The following TNRC6B variants were observed in gnomAD, a reference collection of about 807,000 sequenced individuals.
The protein encoded by TNRC6B is trinucleotide repeat containing adaptor 6B.
TNRC6B carries 52 observed loss-of-function variants against 203.6 expected under a neutral mutation model. That is an observed-to-expected ratio of 0.26 (90% CI 0.20 to 0.32). TNRC6B has a LOEUF of 0.32. TNRC6B is among the 10% of genes least tolerant of loss of function. TNRC6B has a pLI of 1.00. For missense variants in TNRC6B, 1,923 were observed against 2,286.2 expected (o/e 0.84, Z 3.24); for synonymous variants, 838 against 845.7 (o/e 0.99, Z 0.16).
At chr22:40,208,718 T>A (rs946853319) in intron 1 of TNRC6B, among the ~76,000 whole-genome samples, 3 of 152,220 alleles carry the variant, frequency 2.0e-5, no homozygotes, top group African/African-American at 7.2e-5. Flanking sequence ...ATTTTGTATG[T>A]ATTAAATATG....
In TNRC6B at chr22:40,132,969, A is replaced by AATATATATAT. The variant is rs1166468730; in HGVS notation, c.45+7120_45+7129dup. 3.4e-3 allele frequency among the ~76,000 whole-genome samples: 262 copies of AATATATATAT among 78,126 alleles called. 2 individuals carry two copies. The highest frequency in any genetic ancestry group is 6.6e-3 in the Middle Eastern group (1 of 152). 51.3% of individuals were successfully genotyped at this position (78,126 alleles called of 152,430 possible). The stretch of plus-strand genomic sequence containing the variant: ...AAAAAAAAAAAAAAAAAAAAAAAAA[A>AATATATATAT]ATATATATATATATATATATATTCT... On this transcript the variant is annotated intron_variant, in intron 3 of 23. Coordinates refer to the TNRC6B transcript ENST00000301923.
intron 3 of TNRC6B, among the ~76,000 whole-genome samples, chr22:40,260,025 G>T (rs1196042237): frequency 6.6e-6 from 1 of 152,160 alleles, no homozygotes; most frequent in Non-Finnish European, 1.5e-5. Context: ...TTCTCTGTAT[G>T]TTCGACGGGA....
intron 1 of TNRC6B, among the ~76,000 whole-genome samples, chr22:40,090,970 G>A (rs1322819147): frequency 6.6e-6 from 1 of 152,096 alleles, no homozygotes; most frequent in Non-Finnish European, 1.5e-5. Flanking sequence ...GAGACAATCT[G>A]AATACCAATA....
At chr22:40,188,295 T>A (rs530597715) in intron 1 of TNRC6B, among the ~76,000 whole-genome samples, 8 of 152,164 alleles carry the variant, frequency 5.3e-5, no homozygotes, top group Non-Finnish European at 1.2e-4. Context: ...AAGTGCTGGT[T>A]TTTGGTTACT....
intron 1 of TNRC6B, among the ~76,000 whole-genome samples, chr22:40,056,624 A>G (rs899969920): frequency 9.9e-5 from 15 of 151,902 alleles, no homozygotes; most frequent in Non-Finnish European, 4.4e-5. Flanking sequence ...TGAGACCCCC[A>G]TCTCTACAAA....
At chr22:40,320,412 G>A (rs2071319729) in intron 21 of TNRC6B, among the ~76,000 whole-genome samples, 1 of 152,166 alleles carries the variant, frequency 6.6e-6, no homozygotes, top group African/African-American at 2.4e-5. Context: ...CCTGGGAGGT[G>A]GAGGTTGCAG....
intron 3 of TNRC6B, among the ~76,000 whole-genome samples, chr22:40,146,244 G>A (rs1248064897): frequency 1.3e-5 from 2 of 152,278 alleles, no homozygotes; most frequent in African/African-American, 4.8e-5. Flanking sequence ...GAACAAATAA[G>A]CCTTTCAGGT....
intron 3 of TNRC6B, among the ~76,000 whole-genome samples, chr22:40,131,145 CT>C (rs1319886417): frequency 6.6e-6 from 1 of 152,062 alleles, no homozygotes; most frequent in African/African-American, 2.4e-5. Context: ...AGGTCTCGAT[CT>C]CCTGACCTCG....
chr22:40,124,476 C>T (rs1163024462), intron 2 of TNRC6B, among the ~76,000 whole-genome samples: 1 of 152,026 alleles, frequency 6.6e-6, no homozygotes, highest in Non-Finnish European at 1.5e-5. Flanking sequence ...ACATGTGTCA[C>T]CACGCCTGGC....
At chr22:40,146,555 C>T (rs1337708576) in intron 3 of TNRC6B, among the ~76,000 whole-genome samples, 7 of 142,498 alleles carry the variant, frequency 4.9e-5, no homozygotes, top group Non-Finnish European at 7.5e-5. Flanking sequence ...CCACCACGCC[C>T]GGCTAATTTT....
intron 1 of TNRC6B, among the ~76,000 whole-genome samples, chr22:40,222,117 C>T (rs971100792): frequency 2.0e-5 from 3 of 152,114 alleles, no homozygotes; most frequent in Admixed American, 6.5e-5. Flanking sequence ...TTTGTCTTCA[C>T]GCCGTCTCGT....
intron 1 of TNRC6B, among the ~76,000 whole-genome samples, chr22:40,214,197 G>C (rs756708800): frequency 3.9e-5 from 6 of 152,050 alleles, no homozygotes; most frequent in Non-Finnish European, 5.9e-5. Context: ...AACCCAGGGG[G>C]CAGAGGTTGC....
chr22:40,316,761 G>T (rs987404614), intron 21 of TNRC6B, among the ~76,000 whole-genome samples: 2 of 152,220 alleles, frequency 1.3e-5, no homozygotes, highest in East Asian at 3.8e-4. Flanking sequence ...TACTTCTGGA[G>T]AAGGGTTGAT....
At chr22:40,264,561 T>C in intron 4 of TNRC6B, 127 bp from the exon 5 acceptor site, 2 of 1,030,550 alleles carry the variant, frequency 1.9e-6, no homozygotes, top group South Asian at 2.1e-5. Flanking sequence ...TACAAGCAAC[T>C]GGGTTGAGAG....
chr22:40,093,904 C>T (rs1445935071), intron 1 of TNRC6B, among the ~76,000 whole-genome samples: 1 of 151,578 alleles, frequency 6.6e-6, no homozygotes, highest in Non-Finnish European at 1.5e-5. Context: ...CAATAGGATG[C>T]CTATAGATAA....
intron 1 of TNRC6B, among the ~76,000 whole-genome samples, chr22:40,048,772 T>C (rs191578534): frequency 9.2e-5 from 14 of 152,276 alleles, no homozygotes; most frequent in Admixed American, 9.1e-4. Context: ...AACTCCCTTG[T>C]CCCATCCCTT....
At chr22:40,125,630 GAC>G (rs144959203) in intron 2 of TNRC6B, 6,140 of 509,040 alleles carry the variant, frequency 0.012, no homozygotes, top group South Asian at 0.017. Flanking sequence ...CATGTGCATA[GAC>G]ACACACACAC....
intron 21 of TNRC6B, among the ~76,000 whole-genome samples, chr22:40,317,827 A>C (rs1376971291): frequency 1.3e-5 from 2 of 152,220 alleles, no homozygotes; most frequent in African/African-American, 4.8e-5. Context: ...AGTCCATCAC[A>C]ACCTTTACAA....
chr22:40,222,714 T>TTC lies in TNRC6B; in HGVS notation c.6-23287_6-23286dup, dbSNP rs1555890997. ...CCCCCATTGGTAACATCTTGCTGTATTCTCTCTCTCTCTCTTTTTTTTTTT... is the reference window on the plus strand; with the variant it reads ...CCCCCATTGGTAACATCTTGCTGTATTCTCTCTCTCTCTCTCTTTTTTTTTTT... On this transcript the variant is annotated intron_variant, in intron 1 of 22. Transcript: ENST00000454349. Among the ~76,000 whole-genome samples the TTC allele has an allele frequency of 2.0e-3, 285 of 144,968 alleles. 2 individuals are homozygous for TTC. Among genetic ancestry groups the TTC allele is most frequent in the African/African-American group, 4.3e-3 (165 of 38,374 alleles).
Sources: allele counts gnomAD v4.1 joint callset (sites outside exome capture counted in the v4.1 genomes callset), GRCh38; gene constraint gnomAD v4.1.1; transcripts MANE v1.5; gene names NCBI Gene and HGNC (gene_info 2026-07-23, HGNC 2026-07-21).